The following CSGALNACT1 variants were observed in gnomAD, a reference collection of about 807,000 sequenced individuals.
CSGALNACT1 encodes the protein chondroitin sulfate N-acetylgalactosaminyltransferase 1.
In CSGALNACT1, 52 loss-of-function variants were observed where a neutral mutation model predicts 51.0. That is an observed-to-expected ratio of 1.02 (90% CI 0.82 to 1.29). CSGALNACT1 has a LOEUF of 1.29. Among genes scored for constraint, CSGALNACT1 ranks in the 50% most tolerant of loss-of-function variants. The probability of loss-of-function intolerance (pLI) is 0.00; values close to 1 mark genes in which losing one functional copy is unlikely to be tolerated. For synonymous variants in CSGALNACT1, 341 were observed against 254.4 expected, an observed-to-expected ratio of 1.34 and a Z score of -3.24; for missense variants, 935 against 679.2, an observed-to-expected ratio of 1.38 and a Z score of -4.19.
At chr8:19,564,763 A>T (rs1446251719) in intron 3 of CSGALNACT1, among the ~76,000 whole-genome samples, 1 of 152,208 alleles carries the variant, frequency 6.6e-6, no homozygotes, top group East Asian at 1.9e-4. Context: ...TTCTCTGCAT[A>T]GCACTTTTTC....
intron 1 of CSGALNACT1, among the ~76,000 whole-genome samples, chr8:19,715,387 T>G (rs11781275): frequency 6.6e-6 from 1 of 152,226 alleles, no homozygotes; most frequent in East Asian, 1.9e-4. Flanking sequence ...GGATTTGCTA[T>G]TCTGTTCCTG....
intron 4 of CSGALNACT1, among the ~76,000 whole-genome samples, chr8:19,500,921 AGG>A: frequency 6.6e-6 from 1 of 152,280 alleles, no homozygotes; most frequent in Admixed American, 6.5e-5. Flanking sequence ...TATCCTCCAG[AGG>A]AGAGGAATGC....
At chr8:19,730,549 A>G (rs758036325) in intron 1 of CSGALNACT1, among the ~76,000 whole-genome samples, 1 of 152,184 alleles carries the variant, frequency 6.6e-6, no homozygotes, top group African/African-American at 2.4e-5. Flanking sequence ...TAAGCAAAAA[A>G]GTATGTAAGG....
At chr8:19,465,704 A>C (rs1165267379) in intron 4 of CSGALNACT1, among the ~76,000 whole-genome samples, 1 of 152,126 alleles carries the variant, frequency 6.6e-6, no homozygotes, top group Non-Finnish European at 1.5e-5. Flanking sequence ...CTCTCTTCCT[A>C]AACTACTGTT....
At chr8:19,695,982 A>C (rs1422391954) in intron 1 of CSGALNACT1, among the ~76,000 whole-genome samples, 1 of 152,260 alleles carries the variant, frequency 6.6e-6, no homozygotes, top group African/African-American at 2.4e-5. Context: ...AATCAAATAA[A>C]AAATGAACAG....
At chr8:19,422,421 G>A (rs1023102726) in intron 6 of CSGALNACT1, among the ~76,000 whole-genome samples, 7 of 152,032 alleles carry the variant, frequency 4.6e-5, no homozygotes, top group African/African-American at 1.7e-4. Flanking sequence ...GGCTTCATGC[G>A]GTACTACTGC....
At chr8:19,407,882 A>C (rs1455843778) in intron 9 of CSGALNACT1, among the ~76,000 whole-genome samples, 17 of 149,774 alleles carry the variant, frequency 1.1e-4, no homozygotes, top group Admixed American at 9.9e-4. Flanking sequence ...TTGTGTGTGC[A>C]TGTGGACATT....
chr8:19,586,618 G>A (rs1281276219), intron 3 of CSGALNACT1, among the ~76,000 whole-genome samples: 2 of 152,056 alleles, frequency 1.3e-5, no homozygotes, highest in African/African-American at 2.4e-5. Flanking sequence ...GAGAAACACT[G>A]GCTTAGTCTA....
At chr8:19,446,500 C>T (rs1484416976) in intron 5 of CSGALNACT1, among the ~76,000 whole-genome samples, 1 of 151,670 alleles carries the variant, frequency 6.6e-6, no homozygotes, top group East Asian at 1.9e-4. Flanking sequence ...CCTGAAAATT[C>T]ATTCATTCAT....
chr8:19,468,463 G>A (rs184911911), intron 4 of CSGALNACT1, among the ~76,000 whole-genome samples: 8 of 152,256 alleles, frequency 5.3e-5, no homozygotes, highest in East Asian at 1.9e-4. Flanking sequence ...AAGGGGAGCC[G>A]GGTCAGCGTT....
At chr8:19,691,268 A>G (rs1426711077) in intron 1 of CSGALNACT1, among the ~76,000 whole-genome samples, 3 of 152,220 alleles carry the variant, frequency 2.0e-5, no homozygotes, top group Admixed American at 2.0e-4. Flanking sequence ...GAAGTTCCCC[A>G]TAAATTTCAG....
chr8:19,637,331 T>G (rs2056205728), intron 1 of CSGALNACT1, among the ~76,000 whole-genome samples: 3 of 152,240 alleles, frequency 2.0e-5, no homozygotes, highest in Admixed American at 6.5e-5. Context: ...TTTCTCAATT[T>G]GGAGTTGGTC....
intron 1 of CSGALNACT1, among the ~76,000 whole-genome samples, chr8:19,697,867 G>C (rs1470769190): frequency 6.6e-6 from 1 of 152,220 alleles, no homozygotes; most frequent in East Asian, 1.9e-4. Context: ...ACGTGAATTA[G>C]AAGAGGGTGA....
In CSGALNACT1 at chr8:19,696,774, G is replaced by T. The variant is rs111502587; in HGVS notation, c.-297+61076C>A. Among the ~76,000 whole-genome samples, 12 of 152,238 alleles carry T rather than the reference G, an allele frequency of 7.9e-5. 2 individuals carry two copies. The highest frequency in any genetic ancestry group is 2.9e-4 in the African/African-American group (12 of 41,514). On this transcript the variant is annotated intron_variant, in intron 1 of 1. Coordinates refer to the CSGALNACT1 transcript ENST00000517494. ...GTTCATGTGGGGCATCTAGAATGGG[G>T]GTCGGTACACAGGAACCACACACAG...
Position 19,478,455 on chromosome 8 carries a change from TC to T in CSGALNACT1, c.635-19814del, listed in dbSNP as rs2070423318. 2.1e-5 allele frequency among the ~76,000 whole-genome samples: 3 copies of T among 141,142 alleles called. No homozygotes were observed. In the South Asian group the frequency reaches 7.2e-4, roughly 34 times the overall value. 92.6% of individuals were successfully genotyped at this position (141,142 alleles called of 152,430 possible). A position where few individuals can be genotyped will look rare whatever the true frequency, so the allele number is the denominator to read the frequency against. ...AAAAAAAAAGGTACTGATGTCTGGG[TC>T]CCACTCCCAGAGATTCCGATTTAAT... On this transcript the variant is annotated intron_variant, in intron 4 of 9. Coordinates refer to ENST00000454498, the Ensembl canonical transcript of CSGALNACT1.
At chr8:19,605,008 C>T (rs1288556168), upstream of CSGALNACT1, among the ~76,000 whole-genome samples, 4 of 151,860 alleles carry the variant, frequency 2.6e-5, no homozygotes, top group Non-Finnish European at 5.9e-5. Context: ...CAACCTAAGG[C>T]TGCCATGTTG....
chr8:19,540,381 C>T (rs1041503565), intron 3 of CSGALNACT1, among the ~76,000 whole-genome samples: 53 of 152,102 alleles, frequency 3.5e-4, no homozygotes, highest in African/African-American at 1.2e-3. Flanking sequence ...TCTTCTACAC[C>T]CCTCCTCTTG....
chr8:19,720,671 A>G (rs921972127), intron 1 of CSGALNACT1, among the ~76,000 whole-genome samples: 3 of 151,464 alleles, frequency 2.0e-5, no homozygotes, highest in African/African-American at 7.3e-5. Flanking sequence ...CTCTCTCTCC[A>G]CCCTCCCTCC....
chr8:19,745,724 C>A (rs961595584), intron 1 of CSGALNACT1, among the ~76,000 whole-genome samples: 2 of 152,178 alleles, frequency 1.3e-5, no homozygotes, highest in Non-Finnish European at 2.9e-5. Flanking sequence ...ATATCTGTGA[C>A]TGAAATGCCA....
Sources: allele counts gnomAD v4.1 joint callset (sites outside exome capture counted in the v4.1 genomes callset), GRCh38; gene constraint gnomAD v4.1.1; transcripts MANE v1.5; gene names NCBI Gene and HGNC (gene_info 2026-07-23, HGNC 2026-07-21).